The following TLE2 variants were observed in gnomAD, a reference collection of about 807,000 sequenced individuals.
TLE2 encodes transducin-like enhancer protein 2.
Under a neutral mutation model 97.2 loss-of-function variants are expected in TLE2, and 74 were observed. The ratio of observed to expected loss-of-function variants is 0.76; its 90% confidence interval spans 0.63 to 0.92. TLE2 has a LOEUF of 0.92. Among genes scored for constraint, TLE2 ranks in the 40% least tolerant of loss-of-function variants. TLE2 has a pLI of 0.00. For synonymous variants in TLE2, 499 were observed against 432.1 expected, an observed-to-expected ratio of 1.15 and a Z score of -1.92; for missense variants, 1,038 against 1,008.7, an observed-to-expected ratio of 1.03 and a Z score of -0.39.
At chr19:3,015,913 T>C in intron 8 of TLE2, 153 bp from the exon 9 acceptor site, 1 of 704,638 alleles carries the variant, frequency 1.4e-6, no homozygotes, top group Non-Finnish European at 2.6e-6. Flanking sequence ...AACGGCTGAC[T>C]CAGTGCTAAG....
At chr19:3,037,035 A>G (rs2090068202) in intron 1 of TLE2, among the ~76,000 whole-genome samples, 1 of 152,234 alleles carries the variant, frequency 6.6e-6, no homozygotes, top group African/African-American at 2.4e-5. Context: ...CCGTAATCCC[A>G]GCACTTCAGG....
rs148533359 is a variant in TLE2, at chr19:3,016,923, C to T, written c.570+917G>A. Among the ~76,000 whole-genome samples, 1,347 of 151,670 alleles carry T rather than the reference C, an allele frequency of 8.9e-3. 10 individuals carry two copies. Among genetic ancestry groups the T allele is most frequent in the Middle Eastern group, 0.027 (8 of 292 alleles). Reference sequence around the variant, plus strand: ...CCTCCAGAGTAGCTGGGATTACAGGCGCCCACCACCACACCCAGCTAATTT... The same window carrying T: ...CCTCCAGAGTAGCTGGGATTACAGGTGCCCACCACCACACCCAGCTAATTT... On this transcript the variant is annotated intron_variant, in intron 8 of 19. Transcript: ENST00000262953.
chr19:3,028,194 A>C, intron 3 of TLE2, 125 bp downstream of exon 3: 2 of 1,067,104 alleles, frequency 1.9e-6, no homozygotes, highest in Non-Finnish European at 1.4e-6. Context: ...CTGAAATCCC[A>C]ACCTGCCCAA....
At chr19:3,006,177 C>T (rs1329793649) in intron 15 of TLE2, 2 of 949,258 alleles carry the variant, frequency 2.1e-6, no homozygotes, top group Non-Finnish European at 3.4e-6. Context: ...CTATAAGCCC[C>T]ACCCATGGTT....
chr19:3,003,361 G>A (rs977854370), intron 17 of TLE2, among the ~76,000 whole-genome samples: 10 of 152,106 alleles, frequency 6.6e-5, no homozygotes, highest in Admixed American at 2.0e-4. Context: ...GCCTTGGCCG[G>A]GCTCTGTGGC....
In TLE2 at chr19:3,000,669, G is replaced by A. The variant is rs779376099; in HGVS notation, c.2102C>T (p.Pro701Leu). ...KDNLLNAWRT[P>L]YGASIFQSKE... ...TACCTGGAAAATGCTGGCCCCGTAC[G>A]GCGTCCTCCAGGCGTTGAGCAGGTT... Residue 701 changes from proline (P) to leucine (L), a missense_variant, in exon 19 of 20, where the codon CCG becomes CTG. Transcript: ENST00000262953. The A allele has an allele frequency of 1.1e-5, 18 of 1,592,458 alleles. No individual in the cohort carries two copies. The highest frequency in any genetic ancestry group is 3.4e-5 in the South Asian group (3 of 87,368).
chr19:3,028,634 T>C (rs1352404072), intron 2 of TLE2, 72 bp downstream of exon 2: 56 of 1,488,500 alleles, frequency 3.8e-5, no homozygotes, highest in Non-Finnish European at 5.0e-5. Flanking sequence ...CTCCCCGCCC[T>C]ATACCCCGGA....
rs1460604789 is a variant in TLE2, at chr19:3,019,793, A to G, written c.295-20T>C. On this transcript the variant is annotated intron_variant, in intron 5 of 19. Transcript: ENST00000262953. This position sits in a 1 kb window ranked among gnomAD's most constrained non-coding sequence, Gnocchi z 5.1. ...CTGATGCTGGCGGGTGGAAGGGATC[A>G]GGTAGAGGGTACATTGAGCCCCTGC... 6.2e-7 allele frequency: 1 copy of G among 1,607,568 alleles called. No individual in the cohort carries two copies. The highest frequency in any genetic ancestry group is 1.7e-5 in the Admixed American group (1 of 59,186).
rs970489806 is a variant in TLE2 at position 2,997,686 on chromosome 19, C to T, written c.*162G>A. On this transcript the variant is annotated 3_prime_UTR_variant, in exon 20 of 20. Transcript: ENST00000262953. ...ATTTCCACCGAGGTCCCCTGCCCAT[C>T]GGCCCCCACATGCAGCAGGGGAAGG... The T allele has an allele frequency of 3.2e-5, 19 of 593,692 alleles. No individual in the cohort carries two copies. Among genetic ancestry groups the T allele is most frequent in the Admixed American group, 2.6e-4 (9 of 35,138 alleles). The allele number at this position is 593,692 out of a possible 1,614,324, so 36.8% of individuals were successfully genotyped here.
chr19:3,010,900 A>G (rs531945424), intron 12 of TLE2, 122 bp downstream of exon 12: 1 of 1,361,248 alleles, frequency 7.3e-7, no homozygotes, highest in East Asian at 2.7e-5. Flanking sequence ...AAGTCACAAA[A>G]AGGACCAAGG....
At chr19:3,030,678 C>A (rs921697780), upstream of TLE2, among the ~76,000 whole-genome samples, 2 of 152,132 alleles carry the variant, frequency 1.3e-5, no homozygotes, top group East Asian at 3.8e-4. Context: ...AGCTCCAGCA[C>A]TTTGGGAAGC....
At chr19:3,034,760 C>T (rs1207986940) in intron 1 of TLE2, among the ~76,000 whole-genome samples, 1 of 152,020 alleles carries the variant, frequency 6.6e-6, no homozygotes, top group African/African-American at 2.4e-5. Flanking sequence ...GTTTAGTCTA[C>T]GAACACCTCC....
rs866729909 is a variant in TLE2 at position 3,021,114 on chromosome 19, A to G, written c.295-1341T>C. 6.6e-3 allele frequency among the ~76,000 whole-genome samples: 300 copies of G among 45,372 alleles called. 2 individuals are homozygous for G. The highest frequency in any genetic ancestry group is 0.01 in the East Asian group (9 of 860). The allele number at this position is 45,372 out of a possible 152,430, so 29.8% of individuals were successfully genotyped here. ...AAAAAAAAAAAAAAAAAAAAAAAAA[A>G]GGGGGGGGGGTGCTGAGCGTGGTGA... On this transcript the variant is annotated intron_variant, in intron 5 of 19. Coordinates refer to ENST00000262953, the MANE Select transcript of TLE2 (RefSeq NM_003260.5).
intron 19 of TLE2, among the ~76,000 whole-genome samples, 175 bp from the exon 20 acceptor site, chr19:2,998,130 G>C (rs1416898916): frequency 6.6e-6 from 1 of 151,992 alleles, no homozygotes; most frequent in Non-Finnish European, 1.5e-5. Context: ...AAGTGCAGTG[G>C]TGCGATCTTG....
intron 19 of TLE2, among the ~76,000 whole-genome samples, chr19:2,999,905 T>G (rs1364251266): frequency 1.3e-5 from 2 of 148,896 alleles, no homozygotes; most frequent in Non-Finnish European, 3.0e-5. Flanking sequence ...TGGTGGTACA[T>G]GCCTGTAATC....
rs1212704038 is a variant in TLE2 at position 3,025,066 on chromosome 19, C to A, written c.248G>T (p.Arg83Leu). 6.2e-7 allele frequency: 1 copy of A among 1,605,036 alleles called. No homozygotes were observed. Among genetic ancestry groups the A allele is most frequent in the East Asian group, 2.2e-5 (1 of 44,550 alleles). Residue 83 changes from arginine (R) to leucine (L), a missense_variant, in exon 5 of 20, where the codon CGT becomes CTT. By Grantham distance (102) the Arg-to-Leu change is moderately radical. Transcript: ENST00000262953. ...EMHKQAEIVKRLSGICAQIIP... is the reference protein window; with the variant it reads ...EMHKQAEIVKLLSGICAQIIP... Reference sequence around the variant, plus strand: ...AATCTGAGCGCAGATACCGCTCAGACGCTTCACAATCTCCGCCTGGCAGGA... The same window carrying A: ...AATCTGAGCGCAGATACCGCTCAGAAGCTTCACAATCTCCGCCTGGCAGGA...
rs909806955 is a variant in TLE2 at position 3,024,870 on chromosome 19, G to A, written c.294+150C>T. The stretch of plus-strand genomic sequence containing the variant: ...CCCCAGCGGGATGCCTGGCCTCAGG[G>A]CTGCGGGACTACTGCAGTGAAAATG... On this transcript the variant is annotated intron_variant, in intron 5 of 19. Coordinates refer to ENST00000262953, the MANE Select transcript of TLE2 (RefSeq NM_003260.5). 2.4e-5 allele frequency: 16 copies of A among 671,332 alleles called. No homozygotes were observed. In the African/African-American group the frequency reaches 2.6e-4, roughly 11 times the overall value. 41.6% of individuals were successfully genotyped at this position (671,332 alleles called of 1,614,324 possible).
intron 5 of TLE2, among the ~76,000 whole-genome samples, chr19:3,021,955 C>T (rs1233012046): frequency 6.6e-6 from 1 of 152,076 alleles, no homozygotes; most frequent in Non-Finnish European, 1.5e-5. Context: ...CCTGTAATCC[C>T]AGTACTTTAG....
chr19:2,999,330 ACTGTACCAAC>A (rs2089298578), intron 19 of TLE2, among the ~76,000 whole-genome samples: 1 of 152,082 alleles, frequency 6.6e-6, no homozygotes, highest in Admixed American at 6.6e-5. Context: ...TATTAAAAAC[ACTGTACCAAC>A]CAGGACGGGC....
Sources: allele counts gnomAD v4.1 joint callset (sites outside exome capture counted in the v4.1 genomes callset), GRCh38; gene constraint gnomAD v4.1.1; non-coding constraint Gnocchi (gnomAD v3.1); transcripts MANE v1.5; gene names NCBI Gene and HGNC (gene_info 2026-07-23, HGNC 2026-07-21).